The following SLC37A1 variants were observed in gnomAD, a reference collection of about 807,000 sequenced individuals.
SLC37A1 encodes the protein glucose-6-phosphate exchanger SLC37A1.
In SLC37A1, 49 loss-of-function variants were observed where a neutral mutation model predicts 75.3. That is an observed-to-expected ratio of 0.65 (90% CI 0.52 to 0.83). SLC37A1 has a LOEUF of 0.83. Ranked by LOEUF, SLC37A1 falls within the 40% of genes least tolerant of loss-of-function variation. The probability of loss-of-function intolerance (pLI) is 0.00; values close to 1 mark genes in which losing one functional copy is unlikely to be tolerated. For synonymous variants in SLC37A1, 268 were observed against 292.1 expected (o/e 0.92, Z 0.84); for missense variants, 566 against 695.0 (o/e 0.81, Z 2.09).
At chr21:42,553,993 C>T (rs2055619779) in intron 9 of SLC37A1, 69 bp from the exon 10 acceptor site, 23 of 1,319,382 alleles carry the variant, frequency 1.7e-5, no homozygotes, top group Non-Finnish European at 2.2e-5. Context: ...ATCCTTGCTA[C>T]AGTAAAGCCA....
rs73374196 is a variant in SLC37A1 at position 42,547,470 on chromosome 21, C to T, written c.768+330C>T. 1,070 of 281,030 alleles carry T rather than the reference C, an allele frequency of 3.8e-3. 15 individuals carry two copies. Among genetic ancestry groups the T allele is most frequent in the African/African-American group, 0.02 (921 of 45,794 alleles). The allele number at this position is 281,030 out of a possible 1,614,324, so 17.4% of individuals were successfully genotyped here. ...GGGGCCTCAGTGTGACGGGGAAAAA[C>T]GCACGTGTCAGCTGCCTGCCATCAC... On this transcript the variant is annotated intron_variant, in intron 9 of 19. Transcript: ENST00000352133. The surrounding 1 kb of genome is among the most constrained non-coding windows in gnomAD (Gnocchi z 6.1).
intron 13 of SLC37A1, 54 bp from the exon 14 acceptor site, chr21:42,564,654 C>G (rs2055925943): frequency 6.9e-7 from 1 of 1,453,136 alleles, no homozygotes; most frequent in East Asian, 2.3e-5. Context: ...TGCTTCCTCC[C>G]CGTGGGCTCA....
intron 10 of SLC37A1, among the ~76,000 whole-genome samples, chr21:42,557,656 G>A (rs1395809997): frequency 1.3e-5 from 2 of 152,228 alleles, no homozygotes; most frequent in African/African-American, 4.8e-5. Context: ...CACCCACTGG[G>A]TGCCCACACT....
intron 17 of SLC37A1, among the ~76,000 whole-genome samples, chr21:42,571,111 G>A (rs1045598923): frequency 6.6e-6 from 1 of 151,928 alleles, no homozygotes; most frequent in Non-Finnish European, 1.5e-5. Flanking sequence ...CCACCACCAC[G>A]CCTTGGTCAT....
At chr21:42,518,726 G>A (rs2054573931) in intron 2 of SLC37A1, among the ~76,000 whole-genome samples, 1 of 152,210 alleles carries the variant, frequency 6.6e-6, no homozygotes, top group Non-Finnish European at 1.5e-5. Context: ...GTCAGATAGT[G>A]TTTGGGCTCC....
At chr21:42,556,744 G>A (rs949596340) in intron 10 of SLC37A1, among the ~76,000 whole-genome samples, 1 of 152,150 alleles carries the variant, frequency 6.6e-6, no homozygotes, top group African/African-American at 2.4e-5. Context: ...CCACCCAGTG[G>A]CTTCTTGTTT....
Position 42,575,690 on chromosome 21 carries a change from T to A in SLC37A1, c.1521+775T>A, listed in dbSNP as rs748599157. ...TTCACCAGACAAAACCTTAGGCTGATCCCAATAAAAATGAGTTGAGAATTT... is the reference window on the plus strand; with the variant it reads ...TTCACCAGACAAAACCTTAGGCTGAACCCAATAAAAATGAGTTGAGAATTT... On this transcript the variant is annotated intron_variant, in intron 18 of 19. Coordinates refer to ENST00000352133, the MANE Select transcript of SLC37A1 (RefSeq NM_001320537.2). 148 of 985,330 alleles carry A rather than the reference T, an allele frequency of 1.5e-4. 1 individual carries two copies. Among genetic ancestry groups the A allele is most frequent in the South Asian group, 7.5e-4 (16 of 21,292 alleles). 61.0% of individuals were successfully genotyped at this position (985,330 alleles called of 1,614,324 possible).
At chr21:42,561,992 C>T (rs1445596766) in intron 11 of SLC37A1, 86 bp from the exon 12 acceptor site, 11 of 1,086,216 alleles carry the variant, frequency 1.0e-5, no homozygotes, top group South Asian at 2.5e-5. Context: ...TTTATGGGAG[C>T]GAAGTCATAT....
intron 17 of SLC37A1, among the ~76,000 whole-genome samples, chr21:42,574,236 A>G (rs7278122): frequency 0.011 from 1,663 of 152,356 alleles, 27 homozygotes; most frequent in East Asian, 0.036. Context: ...TTCTTATTCA[A>G]ATTTTACCCA....
chr21:42,576,118 G>A, intron 18 of SLC37A1: 1 of 256,996 alleles, frequency 3.9e-6, no homozygotes, highest in Non-Finnish European at 6.1e-6. Flanking sequence ...TGGGGTGGTT[G>A]TGCCCACACT....
chr21:42,557,501 A>G (rs77415852), intron 10 of SLC37A1, among the ~76,000 whole-genome samples: 21,525 of 152,292 alleles, frequency 0.14, 2,190 homozygotes, highest in African/African-American at 0.28. Flanking sequence ...AGGCATCTGC[A>G]CTCAGCCTTG....
chr21:42,574,832 C>A lies in SLC37A1; in HGVS notation c.1438C>A (p.Pro480Thr). The change falls in exon 18 of 20, where the codon CCC (proline) becomes ACC (threonine). Residue 480 changes from proline to threonine, a missense_variant. Coordinates refer to ENST00000352133, the MANE Select transcript of SLC37A1 (RefSeq NM_001320537.2). ...GTGSVGAALG[P>T]LLAGLLSPSG... ...CCTGATTTCAGGAGCAGCCCTGGGCCCCCTGCTGGCTGGGCTCCTCTCCCC... is the reference window on the plus strand; with the variant it reads ...CCTGATTTCAGGAGCAGCCCTGGGCACCCTGCTGGCTGGGCTCCTCTCCCC... The A allele has an allele frequency of 5.6e-6, 9 of 1,614,118 alleles. No homozygotes were observed. Among genetic ancestry groups the A allele is most frequent in the Non-Finnish European group, 7.6e-6 (9 of 1,179,998 alleles).
upstream of SLC37A1, among the ~76,000 whole-genome samples, chr21:42,509,045 C>A (rs1311937986): frequency 1.8e-4 from 27 of 152,136 alleles, 1 homozygote; most frequent in Admixed American, 1.7e-3. The surrounding 1 kb of genome is among the most constrained non-coding windows in gnomAD (Gnocchi z 4.2). Context: ...GTTGATATTT[C>A]TTTAAATATC....
At position 42,547,247 on chromosome 21, in the gene SLC37A1, C is replaced by A; in HGVS notation, c.768+107C>A. On this transcript the variant is annotated intron_variant, in intron 9 of 19. Coordinates refer to ENST00000352133, the MANE Select transcript of SLC37A1 (RefSeq NM_001320537.2). This position sits in a 1 kb window ranked among gnomAD's most constrained non-coding sequence, Gnocchi z 6.1. ...GTCAGACAGAAACACACAGGGTAGA[C>A]AGAAGTCCCACCCTCAAAACATTGG... 8.3e-7 allele frequency: 1 copy of A among 1,208,418 alleles called. No individual in the cohort carries two copies. Among genetic ancestry groups the A allele is most frequent in the Non-Finnish European group, 1.2e-6 (1 of 819,610 alleles). 74.9% of individuals were successfully genotyped at this position (1,208,418 alleles called of 1,614,324 possible).
Position 42,554,046 on chromosome 21 carries a change from CTT to C in SLC37A1, c.769-7_769-6del, listed in dbSNP as rs3216127. 25 of 1,421,600 alleles carry C rather than the reference CTT, an allele frequency of 1.8e-5. No homozygotes were observed. The highest frequency in any genetic ancestry group is 2.1e-5 in the Non-Finnish European group (22 of 1,038,656). 88.1% of individuals were successfully genotyped at this position (1,421,600 alleles called of 1,614,324 possible). A position where few individuals can be genotyped will look rare whatever the true frequency, so the allele number is the denominator to read the frequency against. ...TTGAATCAGTATCGCTCTAATGAAA[CTT>C]TTTTTTTTACCAGCACTCAAAAGGC... On this transcript the variant is annotated splice_polypyrimidine_tract_variant and intron_variant, in intron 9 of 19. Coordinates refer to ENST00000352133, the MANE Select transcript of SLC37A1 (RefSeq NM_001320537.2).
intron 3 of SLC37A1, among the ~76,000 whole-genome samples, chr21:42,529,114 C>A (rs1317956849): frequency 6.6e-6 from 1 of 151,720 alleles, no homozygotes; most frequent in Non-Finnish European, 1.5e-5. Context: ...TATTTTAATA[C>A]CATAATCAAA....
intron 2 of SLC37A1, among the ~76,000 whole-genome samples, chr21:42,507,000 A>T (rs1381505731): frequency 2.0e-5 from 3 of 152,022 alleles, no homozygotes; most frequent in Non-Finnish European, 4.4e-5. Context: ...CTCCTGTCTC[A>T]GCCTCCCAAG....
intron 2 of SLC37A1, chr21:42,508,530 T>A (rs1380870108): frequency 6.6e-6 from 1 of 152,202 alleles, no homozygotes; most frequent in Non-Finnish European, 1.5e-5. Flanking sequence ...AGTTGATGGG[T>A]CAGTTTCCTA....
chr21:42,531,168 C>T (rs1334268376), intron 3 of SLC37A1, among the ~76,000 whole-genome samples: 1 of 152,186 alleles, frequency 6.6e-6, no homozygotes, highest in African/African-American at 2.4e-5. Context: ...TGCCAGCTCC[C>T]AGCCCCACCG....
Sources: allele counts gnomAD v4.1 joint callset (sites outside exome capture counted in the v4.1 genomes callset), GRCh38; gene constraint gnomAD v4.1.1; non-coding constraint Gnocchi (gnomAD v3.1); transcripts MANE v1.5; gene names NCBI Gene and HGNC (gene_info 2026-07-23, HGNC 2026-07-21).